PCDHGB7: variants seen among roughly 807,000 people sequenced by gnomAD.
PCDHGB7 encodes protocadherin gamma-B7.
Under a neutral mutation model 61.4 loss-of-function variants are expected in PCDHGB7, and 37 were observed. The ratio of observed to expected loss-of-function variants is 0.60; its 90% CI spans 0.46 to 0.79. The LOEUF (loss-of-function observed/expected upper bound fraction) is 0.79, where lower values mean the gene tolerates loss of function less well. Among genes scored for constraint, PCDHGB7 ranks in the 30% least tolerant of loss-of-function variants. The probability of loss-of-function intolerance (pLI) is 0.00; values close to 1 mark genes in which losing one functional copy is unlikely to be tolerated. For synonymous variants in PCDHGB7, 464 were observed against 503.5 expected (o/e 0.92, Z 1.05); for missense variants, 1,166 against 1,202.5 (o/e 0.97, Z 0.45).
intron 1 of PCDHGB7, among the ~76,000 whole-genome samples, chr5:141,434,021 C>A (rs1023145172): frequency 2.0e-5 from 3 of 152,052 alleles, no homozygotes; most frequent in Admixed American, 2.0e-4. Context: ...TTCTATGATT[C>A]TGGAAGCATG....
intron 1 of PCDHGB7, among the ~76,000 whole-genome samples, chr5:141,430,390 A>G (rs1231067120): frequency 6.6e-6 from 1 of 152,216 alleles, no homozygotes; most frequent in Non-Finnish European, 1.5e-5. Flanking sequence ...TGGGAAAAAA[A>G]AAAAAAGCTC....
In PCDHGB7 at chr5:141,490,963, G is replaced by GC; in HGVS notation, c.2416-3838dup. 6.2e-7 allele frequency: 1 copy of GC among 1,613,760 alleles called. No individual in the cohort carries two copies. On this transcript the variant is annotated intron_variant, in intron 1 of 3. Transcript: ENST00000398594. This position sits in a 1 kb window ranked among gnomAD's most constrained non-coding sequence, Gnocchi z 5.4. ...CCCACGGCCAGACTGGGAACACTCA[G>GC]CCCCCCAGCGTCTCCCTCGCTCTGC...
In PCDHGB7 at chr5:141,486,587, G is replaced by A. The variant is rs2099631441; in HGVS notation, c.2416-8220G>A. 6.2e-7 allele frequency: 1 copy of A among 1,613,478 alleles called. No homozygotes were observed. The highest frequency in any genetic ancestry group is 1.7e-5 in the Admixed American group (1 of 60,014). On this transcript the variant is annotated intron_variant, in intron 1 of 3. Coordinates refer to ENST00000398594, the MANE Select transcript of PCDHGB7 (RefSeq NM_018927.4). The surrounding 1 kb of genome is among the most constrained non-coding windows in gnomAD (Gnocchi z 5.0). ...TGTTCCTGAGAACAATCGCCCAGGGGACCTGCTTTGCTCCCTTGCAGCCTC... is the reference window on the plus strand; with the variant it reads ...TGTTCCTGAGAACAATCGCCCAGGGAACCTGCTTTGCTCCCTTGCAGCCTC...
At chr5:141,463,034 G>A (rs2099051345) in intron 1 of PCDHGB7, among the ~76,000 whole-genome samples, 2 of 152,112 alleles carry the variant, frequency 1.3e-5, no homozygotes, top group African/African-American at 4.8e-5. Flanking sequence ...ATTAATCTGA[G>A]TGTTCAGCAG....
rs773303779 is a variant in PCDHGB7, at chr5:141,419,769, C to G, written c.1910C>G (p.Ser637Trp). 1.9e-6 allele frequency: 3 copies of G among 1,613,888 alleles called. No individual in the cohort carries two copies. The highest frequency in any genetic ancestry group is 2.5e-6 in the Non-Finnish European group (3 of 1,179,906). Residue 637 changes from serine (S) to tryptophan (W), a missense_variant, in exon 1 of 4, where the codon TCG becomes TGG. By Grantham distance (177) the Ser-to-Trp change is radical. Transcript: ENST00000398594. ...RMVRALGDKD[S>W]VRQRLLVAVR... ...GTGCGTGCTTTGGGTGACAAGGACT[C>G]GGTCCGCCAGCGCCTGCTAGTCGCT...
intron 1 of PCDHGB7, among the ~76,000 whole-genome samples, chr5:141,447,413 C>T (rs1279399546): frequency 6.6e-6 from 1 of 152,204 alleles, no homozygotes; most frequent in Non-Finnish European, 1.5e-5. Flanking sequence ...GCTGGGATTA[C>T]AGGCGTGAGC....
rs1236961370 is a variant in PCDHGB7, at chr5:141,512,621, C to T, written c.*1448C>T. 1 of 152,964 alleles carries T rather than the reference C, an allele frequency of 6.5e-6. No homozygotes were observed. The highest frequency in any genetic ancestry group is 1.5e-5 in the Non-Finnish European group (1 of 68,612). 9.5% of individuals were successfully genotyped at this position (152,964 alleles called of 1,614,324 possible). A position where few individuals can be genotyped will look rare whatever the true frequency, so the allele number is the denominator to read the frequency against. Reference sequence around the variant, plus strand: ...CCATCCAGCGGGGCTGCCAGAGAACCCCAGACCTGCCCTTACAGTAGTGTA... The same window carrying T: ...CCATCCAGCGGGGCTGCCAGAGAACTCCAGACCTGCCCTTACAGTAGTGTA... On this transcript the variant is annotated 3_prime_UTR_variant, in exon 4 of 4. Coordinates refer to ENST00000398594, the MANE Select transcript of PCDHGB7 (RefSeq NM_018927.4).
chr5:141,485,380 G>A lies in PCDHGB7; in HGVS notation c.2416-9427G>A. The A allele has an allele frequency of 1.9e-6, 3 of 1,614,146 alleles. No individual in the cohort carries two copies. The highest frequency in any genetic ancestry group is 2.5e-6 in the Non-Finnish European group (3 of 1,180,032). On this transcript the variant is annotated intron_variant, in intron 1 of 3. Coordinates refer to ENST00000398594, the MANE Select transcript of PCDHGB7 (RefSeq NM_018927.4). This position sits in a 1 kb window ranked among gnomAD's most constrained non-coding sequence, Gnocchi z 5.7. ...CTCGCAGGCTGCAGGTCGCTGGAGA[G>A]GTGAACCAAAGACACTTCCGTGTGG... is the stretch of plus-strand genomic sequence containing the variant.
At chr5:141,483,917 T>A (rs565465724) in intron 1 of PCDHGB7, among the ~76,000 whole-genome samples, 2 of 151,262 alleles carry the variant, frequency 1.3e-5, no homozygotes, top group South Asian at 4.2e-4. Context: ...CCCACTCAGA[T>A]TGCAGGTCGT....
intron 1 of PCDHGB7, among the ~76,000 whole-genome samples, chr5:141,492,409 C>G (rs1367119266): frequency 6.6e-6 from 1 of 152,230 alleles, no homozygotes; most frequent in Non-Finnish European, 1.5e-5. Flanking sequence ...TCCCCTCTGC[C>G]GCTCCCTCCG....
Position 141,419,808 on chromosome 5 carries a change from G to A in PCDHGB7, c.1949G>A (p.Gly650Glu). 2 of 1,614,066 alleles carry A rather than the reference G, an allele frequency of 1.2e-6. No individual in the cohort carries two copies. The highest frequency in any genetic ancestry group is 8.5e-7 in the Non-Finnish European group (1 of 1,179,892). The change falls in exon 1 of 4, where the codon GGA (glycine) becomes GAA (glutamate). Residue 650 changes from glycine (G) to glutamate (E), a missense_variant. Coordinates refer to ENST00000398594, the MANE Select transcript of PCDHGB7 (RefSeq NM_018927.4). ...CTGCTAGTCGCTGTAAGAGATGGAG[G>A]ACAGCCACCCCTTTCAGCCACTGCC... ...QRLLVAVRDG[G>E]QPPLSATATL...
chr5:141,490,399 C>T lies in PCDHGB7; in HGVS notation c.2416-4408C>T. The T allele has an allele frequency of 1.2e-6, 2 of 1,614,148 alleles. No homozygotes were observed. Among genetic ancestry groups the T allele is most frequent in the Non-Finnish European group, 1.7e-6 (2 of 1,180,016 alleles). On this transcript the variant is annotated intron_variant, in intron 1 of 3. Transcript: ENST00000398594. This position sits in a 1 kb window ranked among gnomAD's most constrained non-coding sequence, Gnocchi z 5.4. ...CTCAGGTAGAAATGGTGAAGTGAGC[C>T]TTGATATCTCTCCGGACCTGCCATT... is the stretch of plus-strand genomic sequence containing the variant.
intron 2 of PCDHGB7, among the ~76,000 whole-genome samples, chr5:141,495,452 C>G (rs543717781): frequency 1.3e-5 from 2 of 152,356 alleles, no homozygotes; most frequent in South Asian, 2.1e-4. Context: ...TTGTCCTGCT[C>G]TCTGTCTGTG....
At chr5:141,475,778 T>A (rs1204790631) in intron 1 of PCDHGB7, among the ~76,000 whole-genome samples, 1 of 152,400 alleles carries the variant, frequency 6.6e-6, no homozygotes. Context: ...GCGCTTTGGC[T>A]GGAAACTCTG....
intron 2 of PCDHGB7, among the ~76,000 whole-genome samples, chr5:141,498,451 T>C (rs1426888821): frequency 6.6e-6 from 1 of 152,126 alleles, no homozygotes; most frequent in Non-Finnish European, 1.5e-5. Context: ...AGGTTCCTTT[T>C]ATCCAGTCTA....
At position 141,421,063 on chromosome 5, in the gene PCDHGB7, G is replaced by A. The variant is rs575695102; in HGVS notation, c.2415+789G>A. 4.7e-4 allele frequency: 274 copies of A among 581,982 alleles called. 4 individuals are homozygous for A. The South Asian group carries it at 6.4e-3, about 14-fold the overall frequency. 36.1% of individuals were successfully genotyped at this position (581,982 alleles called of 1,614,324 possible). On this transcript the variant is annotated intron_variant, in intron 1 of 3. Transcript: ENST00000398594. ...CTCCCCCGCCTCTACCACACAAAGC[G>A]GAATGAGATGGATACTCACAGATCC... is the stretch of plus-strand genomic sequence containing the variant.
intron 2 of PCDHGB7, among the ~76,000 whole-genome samples, chr5:141,497,721 G>A (rs2099778948): frequency 6.6e-6 from 1 of 152,006 alleles, no homozygotes; most frequent in African/African-American, 2.4e-5. Flanking sequence ...TGTATTTTTA[G>A]TAGAGATGGG....
rs534744990 is a variant in PCDHGB7 at position 141,418,947 on chromosome 5, G to T, written c.1088G>T (p.Gly363Val). Reference sequence around the variant, plus strand: ...CAGATTATGGAGGATTCCCCTCCAGGAGTGGTTGTTGCCCTCTTCAAAACA... The same window carrying T: ...CAGATTATGGAGGATTCCCCTCCAGTAGTGGTTGTTGCCCTCTTCAAAACA... ...SDQIMEDSPP[G>V]VVVALFKTRD... Residue 363 changes from glycine (G) to valine (V), a missense_variant, in exon 1 of 4, where the codon GGA becomes GTA. Gly to Val is a moderately radical substitution (Grantham distance 109). Coordinates refer to ENST00000398594, the MANE Select transcript of PCDHGB7 (RefSeq NM_018927.4). 6.2e-7 allele frequency: 1 copy of T among 1,614,022 alleles called. No homozygotes were observed. The highest frequency in any genetic ancestry group is 1.3e-5 in the African/African-American group (1 of 75,056).
Position 141,476,562 on chromosome 5 carries a change from C to G in PCDHGB7, c.2416-18245C>G. 1 of 1,614,218 alleles carries G rather than the reference C, an allele frequency of 6.2e-7. No individual in the cohort carries two copies. The highest frequency in any genetic ancestry group is 1.1e-5 in the South Asian group (1 of 91,088). On this transcript the variant is annotated intron_variant, in intron 1 of 3. Transcript: ENST00000398594. This position sits in a 1 kb window ranked among gnomAD's most constrained non-coding sequence, Gnocchi z 7.6. The stretch of plus-strand genomic sequence containing the variant: ...AAATTGGAGATTAGCGAGGCCGTGG[C>G]TCCGGGGACGCGCTTTCCGCTCGAG...
Sources: gnomAD v4.1 joint callset for allele counts (sites outside exome capture counted in the v4.1 genomes callset) on GRCh38, gnomAD v4.1.1 for gene constraint, Gnocchi (gnomAD v3.1) non-coding constraint, MANE v1.5 for transcripts, NCBI Gene and HGNC (gene_info 2026-07-23, HGNC 2026-07-21) for gene names.